The following TDRD3 variants were observed in gnomAD, a reference collection of about 807,000 sequenced individuals.
TDRD3 encodes tudor domain-containing protein 3.
TDRD3 carries 45 observed loss-of-function variants against 86.7 expected under a neutral mutation model. The ratio of observed to expected loss-of-function variants is 0.52; its 90% CI spans 0.41 to 0.67. TDRD3 has a LOEUF of 0.67. TDRD3 is among the 30% of genes least tolerant of loss of function. The pLI, the probability that TDRD3 is intolerant of heterozygous loss-of-function variation, is 0.00. For synonymous variants in TDRD3, 298 were observed against 301.7 expected (o/e 0.99, Z 0.13); for missense variants, 814 against 889.0 (o/e 0.92, Z 1.07).
intron 12 of TDRD3, among the ~76,000 whole-genome samples, chr13:60,560,387 A>G (rs977261468): frequency 7.2e-5 from 11 of 152,222 alleles, no homozygotes; most frequent in African/African-American, 2.4e-4. Context: ...AAGAGGATCC[A>G]TAACTTTTAT....
intron 3 of TDRD3, among the ~76,000 whole-genome samples, chr13:60,448,049 C>T (rs74498202): frequency 3.9e-5 from 6 of 151,936 alleles, no homozygotes; most frequent in South Asian, 2.1e-4. Flanking sequence ...AGTGTAGAGA[C>T]GAGTCTTCAA....
intron 1 of TDRD3, among the ~76,000 whole-genome samples, chr13:60,404,821 C>T (rs929270925): frequency 2.0e-5 from 3 of 152,198 alleles, no homozygotes; most frequent in Non-Finnish European, 2.9e-5. Flanking sequence ...TCACCCAGAT[C>T]TCATCTTGTA....
At chr13:60,538,670 A>T (rs1040055349) in intron 12 of TDRD3, among the ~76,000 whole-genome samples, 14 of 152,178 alleles carry the variant, frequency 9.2e-5, no homozygotes, top group African/African-American at 2.9e-4. Flanking sequence ...AGGGGCAAAG[A>T]AAACCTGCTA....
chr13:60,481,568 G>GT (rs1018077805), intron 5 of TDRD3, among the ~76,000 whole-genome samples: 2 of 151,096 alleles, frequency 1.3e-5, no homozygotes, highest in Non-Finnish European at 3.0e-5. Context: ...ATTGTTGGTG[G>GT]TTTTTTTCTT....
chr13:60,497,151 G>A (rs1053024342), intron 8 of TDRD3, among the ~76,000 whole-genome samples: 1 of 152,164 alleles, frequency 6.6e-6, no homozygotes, highest in Non-Finnish European at 1.5e-5. Context: ...GGAAGTCAAC[G>A]GCGGGTCTGG....
chr13:60,476,682 A>G (rs1223921001), intron 5 of TDRD3, among the ~76,000 whole-genome samples: 1 of 152,052 alleles, frequency 6.6e-6, no homozygotes, highest in Admixed American at 6.6e-5. Context: ...GTTCTTGCCA[A>G]TATCTGTGGG....
chr13:60,529,209 G>A lies in TDRD3; in HGVS notation c.1984G>A (p.Asp662Asn). 6.3e-7 allele frequency: 1 copy of A among 1,595,646 alleles called. No homozygotes were observed. The highest frequency in any genetic ancestry group is 8.5e-7 in the Non-Finnish European group (1 of 1,172,206). Residue 662 changes from aspartate to asparagine, a missense_variant, in exon 11 of 14, where the codon GAC becomes AAC. Transcript: ENST00000377881. ...TGAATGTTTTGCACTTTATTGGGAA[G>A]ACAACAAGGTATGGATGCTTTAAAG... is the stretch of plus-strand genomic sequence containing the variant. ...GDECFALYWE[D>N]NKFYRAEVEA...
intron 4 of TDRD3, among the ~76,000 whole-genome samples, chr13:60,462,061 A>G (rs908439057): frequency 2.0e-5 from 3 of 152,146 alleles, no homozygotes; most frequent in Non-Finnish European, 4.4e-5. Context: ...CTCAGAAGAT[A>G]TGTTTGTCGA....
In TDRD3 at chr13:60,439,716, T is replaced by C. The variant is rs1309543496; in HGVS notation, c.70T>C (p.Cys24Arg). 2 of 1,544,964 alleles carry C rather than the reference T, an allele frequency of 1.3e-6. No individual in the cohort carries two copies. Among genetic ancestry groups the C allele is most frequent in the African/African-American group, 1.4e-5 (1 of 72,774 alleles). ...TCTTTCAGATGAAGGCATTGAAGCTTGCACAAGCTCTCCAGACAAAGTCAA... is the reference window on the plus strand; with the variant it reads ...TCTTTCAGATGAAGGCATTGAAGCTCGCACAAGCTCTCCAGACAAAGTCAA... ...WYLSDEGIEACTSSPDKVNVN... is the reference protein window; with the variant it reads ...WYLSDEGIEARTSSPDKVNVN... Residue 24 changes from cysteine (C) to arginine (R), a missense_variant, in exon 2 of 14, where the codon TGC becomes CGC. Physicochemically the swap from Cys to Arg is radical, Grantham distance 180 (BLOSUM62 -3). Transcript: ENST00000377881.
At position 60,510,000 on chromosome 13, in the gene TDRD3, C is replaced by T. The variant is rs535416907; in HGVS notation, c.1015+81C>T. 8 of 1,484,362 alleles carry T rather than the reference C, an allele frequency of 5.4e-6. No individual in the cohort carries two copies. In the East Asian group the frequency reaches 1.9e-4, roughly 34 times the overall value. 91.9% of individuals were successfully genotyped at this position (1,484,362 alleles called of 1,614,324 possible). On this transcript the variant is annotated intron_variant, in intron 9 of 13. Coordinates refer to ENST00000377881, the MANE Select transcript of TDRD3 (RefSeq NM_001146070.2). ...ATGTTATTGACAGAGGCTGTTATTT[C>T]TGTGAGGGCTGTAATTTTGTTTAAC... is the stretch of plus-strand genomic sequence containing the variant.
chr13:60,520,849 A>C (rs1957272268), intron 10 of TDRD3, among the ~76,000 whole-genome samples: 1 of 152,228 alleles, frequency 6.6e-6, no homozygotes. Context: ...ACTGGAATTT[A>C]ATTCCAGTAG....
At chr13:60,557,734 C>T (rs559036949) in intron 12 of TDRD3, among the ~76,000 whole-genome samples, 68 of 151,524 alleles carry the variant, frequency 4.5e-4, no homozygotes, top group Non-Finnish European at 7.8e-4. Flanking sequence ...ATTATCTCTC[C>T]TACCACTCCA....
intron 1 of TDRD3, among the ~76,000 whole-genome samples, chr13:60,430,441 A>G (rs1026600590): frequency 1.3e-5 from 2 of 152,228 alleles, no homozygotes; most frequent in Non-Finnish European, 2.9e-5. Context: ...AAAAGAGGAC[A>G]GAAATATTAA....
Position 60,469,456 on chromosome 13 carries a change from G to A in TDRD3, c.495+2077G>A, listed in dbSNP as rs142027812. 7.6e-3 allele frequency among the ~76,000 whole-genome samples: 1,145 copies of A among 150,196 alleles called. 18 individuals are homozygous for A. Among genetic ancestry groups the A allele is most frequent in the African/African-American group, 0.027 (1,108 of 40,596 alleles). On this transcript the variant is annotated intron_variant, in intron 5 of 13. Coordinates refer to ENST00000377881, the MANE Select transcript of TDRD3 (RefSeq NM_001146070.2). ...CACATACACACACACACACACACAC[G>A]GAGTTTAGTAGTAGTTTAATAGTTG...
intron 1 of TDRD3, among the ~76,000 whole-genome samples, chr13:60,429,935 A>C (rs1954911931): frequency 6.6e-6 from 1 of 152,186 alleles, no homozygotes; most frequent in East Asian, 1.9e-4. Flanking sequence ...GAAGGAAGAA[A>C]ACTAATACTT....
chr13:60,513,336 T>A (rs1595051521), intron 10 of TDRD3, among the ~76,000 whole-genome samples: 1 of 152,208 alleles, frequency 6.6e-6, no homozygotes, highest in East Asian at 1.9e-4. Flanking sequence ...TGGGAGGGGT[T>A]CCATGAAGAC....
At position 60,442,827 on chromosome 13, in the gene TDRD3, AG is replaced by A. The variant is rs1331690611; in HGVS notation, c.127-1855del. Among the ~76,000 whole-genome samples, 2 of 152,008 alleles carry A rather than the reference AG, an allele frequency of 1.3e-5. 1 individual carries two copies. The highest frequency in any genetic ancestry group is 6.3e-3 in the Middle Eastern group (2 of 316). On this transcript the variant is annotated intron_variant, in intron 2 of 13. Transcript: ENST00000377881. ...TTTAGAGAATTAGTGACAGTGTCCTAGATCATATGATTCTTTAATTACCGTT... is the reference window on the plus strand; with the variant it reads ...TTTAGAGAATTAGTGACAGTGTCCTAATCATATGATTCTTTAATTACCGTT...
intron 3 of TDRD3, among the ~76,000 whole-genome samples, chr13:60,457,861 T>C (rs1955715496): frequency 6.6e-6 from 1 of 152,210 alleles, no homozygotes; most frequent in African/African-American, 2.4e-5. Context: ...ATGGTCTTTA[T>C]ACTCTGTCTG....
intron 12 of TDRD3, among the ~76,000 whole-genome samples, chr13:60,539,817 A>C (rs1957772051): frequency 6.6e-6 from 1 of 152,002 alleles, no homozygotes; most frequent in Admixed American, 6.6e-5. Flanking sequence ...GGTGATGGAG[A>C]GTTGTGATAC....
Sources: gnomAD v4.1 joint callset for allele counts (sites outside exome capture counted in the v4.1 genomes callset) on GRCh38, gnomAD v4.1.1 for gene constraint, MANE v1.5 for transcripts, NCBI Gene and HGNC (gene_info 2026-07-23, HGNC 2026-07-21) for gene names.